The following ZNF43 variants were observed in gnomAD, a reference collection of about 807,000 sequenced individuals.
ZNF43 encodes zinc finger protein 39-like 1 (KOX 27).
ZNF43 carries 44 observed loss-of-function variants against 68.4 expected under a neutral mutation model. The observed-to-expected ratio is 0.64, with a 90% CI of 0.51 to 0.83. ZNF43 has a LOEUF of 0.83. Ranked by LOEUF, ZNF43 falls within the 40% of genes least tolerant of loss-of-function variation. The pLI, the probability that ZNF43 is intolerant of heterozygous loss-of-function variation, is 0.00. For missense variants in ZNF43, 896 were observed against 933.2 expected (o/e 0.96, Z 0.52); for synonymous variants, 308 against 307.8 (o/e 1.00, Z -0.01).
Position 21,809,039 on chromosome 19 carries a change from TTA to T in ZNF43, c.996_997del (p.His332GlnfsTer13). On this transcript the variant is annotated frameshift_variant, in exon 4 of 4. Transcript: ENST00000354959. LOFTEE classifies it high-confidence loss of function. ...GGGTTTCTCTCCAGTATGAATTCTCTTATGTTTAGTAAGAGTTGAGGGCCAGT... is the reference window on the plus strand; with the variant it reads ...GGGTTTCTCTCCAGTATGAATTCTCTTGTTTAGTAAGAGTTGAGGGCCAGT... The T allele has an allele frequency of 6.2e-7, 1 of 1,613,432 alleles. No individual in the cohort carries two copies. Among genetic ancestry groups the T allele is most frequent in the Non-Finnish European group, 8.5e-7 (1 of 1,179,692 alleles).
At chr19:21,836,373 C>G (rs1367758128), upstream of ZNF43, among the ~76,000 whole-genome samples, 2 of 152,216 alleles carry the variant, frequency 1.3e-5, no homozygotes, top group African/African-American at 4.8e-5. Context: ...CCTTTTCAGG[C>G]AGGGCTTCCT....
chr19:21,843,034 G>A (rs1223237213), intron 1 of ZNF43: 4 of 152,186 alleles, frequency 2.6e-5, no homozygotes, highest in Non-Finnish European at 5.9e-5. Context: ...ATGGCAAAAT[G>A]TCCCCTGAAG....
intron 2 of ZNF43, among the ~76,000 whole-genome samples, chr19:21,818,697 G>A (rs574024741): frequency 2.0e-5 from 3 of 152,200 alleles, no homozygotes; most frequent in South Asian, 4.2e-4. Context: ...CGGGATTACA[G>A]GAGTAAGCCA....
At chr19:21,840,802 T>A (rs1345450182), upstream of ZNF43, 1 of 152,092 alleles carries the variant, frequency 6.6e-6, no homozygotes, top group Non-Finnish European at 1.5e-5. Context: ...GCTCTGAGAC[T>A]TTTTTTTCTA....
Position 21,808,508 on chromosome 19 carries a change from T to C in ZNF43, c.1529A>G (p.Tyr510Cys), listed in dbSNP as rs746284893. ...HKKIHIEKKP[Y>C]KCEECGKAFK... ...AGCTTTGCCACATTCTTCACATTTG[T>C]AGGGTTTCTTTTCAATGTGAATTTT... The change falls in exon 4 of 4, where the codon TAC (tyrosine) becomes TGC (cysteine). Residue 510 changes from tyrosine to cysteine, a missense_variant. Transcript: ENST00000354959. 27 of 1,613,170 alleles carry C rather than the reference T, an allele frequency of 1.7e-5. 1 individual carries two copies. The South Asian group carries it at 2.6e-4, about 16-fold the overall frequency.
At position 21,805,644 on chromosome 19, in the gene ZNF43, A is replaced by G. The variant is rs921095803; in HGVS notation, c.*1963T>C. The G allele has an allele frequency of 1.3e-5, 2 of 152,090 alleles. No homozygotes were observed. Among genetic ancestry groups the G allele is most frequent in the African/African-American group, 4.8e-5 (2 of 41,426 alleles). 9.4% of individuals were successfully genotyped at this position (152,090 alleles called of 1,614,324 possible). On this transcript the variant is annotated 3_prime_UTR_variant, in exon 4 of 4. Coordinates refer to ENST00000354959, the MANE Select transcript of ZNF43 (RefSeq NM_003423.4). ...AAAAAAAAACCAAACAAACAAAAAA[A>G]ATTATGAATAGCACAAAGAATAAAA... is the stretch of plus-strand genomic sequence containing the variant.
At chr19:21,824,654 G>A (rs572170089) in intron 1 of ZNF43, among the ~76,000 whole-genome samples, 1 of 148,742 alleles carries the variant, frequency 6.7e-6, no homozygotes, top group African/African-American at 2.5e-5. Context: ...ATTCTTGGGT[G>A]TTAAAGCAAG....
chr19:21,843,178 C>G (rs1014743441), intron 1 of ZNF43: 4 of 158,570 alleles, frequency 2.5e-5, no homozygotes, highest in Admixed American at 6.6e-5. Flanking sequence ...GTCACAATGC[C>G]CTCTGCGACA....
At chr19:21,849,984 G>C (rs889012390) in intron 1 of ZNF43, 5 of 152,178 alleles carry the variant, frequency 3.3e-5, no homozygotes, top group Admixed American at 3.3e-4. Context: ...CTTTTCTGAG[G>C]GCAGAGACCA....
At chr19:21,830,173 C>CCAGGGAGGCGGAGGTTG (rs1165952025) in intron 1 of ZNF43, among the ~76,000 whole-genome samples, 59 of 151,628 alleles carry the variant, frequency 3.9e-4, no homozygotes, top group Non-Finnish European at 5.7e-4. Flanking sequence ...ATTGCTTGAA[C>CCAGGGAGGCGGAGGTTG]CAGGGAGGCG....
chr19:21,835,480 C>G (rs1458159739), intron 1 of ZNF43, among the ~76,000 whole-genome samples: 1 of 149,936 alleles, frequency 6.7e-6, no homozygotes, highest in Non-Finnish European at 1.5e-5. Context: ...GTCTCAGCCT[C>G]CCTAGTAGCT....
At position 21,819,208 on chromosome 19, in the gene ZNF43, A is replaced by C; in HGVS notation, c.17T>G (p.Phe6Cys). The C allele has an allele frequency of 6.3e-7, 1 of 1,599,650 alleles. No individual in the cohort carries two copies. The highest frequency in any genetic ancestry group is 8.5e-7 in the Non-Finnish European group (1 of 1,175,778). Residue 6 changes from phenylalanine to cysteine, a missense_variant, in exon 2 of 4, where the codon TTT becomes TGT. Physicochemically the swap from Phe to Cys is radical, Grantham distance 205 (BLOSUM62 -2). Coordinates refer to ENST00000354959, the MANE Select transcript of ZNF43 (RefSeq NM_003423.4). ...ACAGAATTCTATGGCCACATCCATA[A>C]ATGTCAATGGTCCCTAAAAAAAACA... MGPLTFMDVAIEFCLE... is the reference protein window; with the variant it reads MGPLTCMDVAIEFCLE...
exon 1 of ZNF43, chr19:21,851,945 C>A (rs1402380719): frequency 1.9e-6 from 3 of 1,565,748 alleles, no homozygotes; most frequent in African/African-American, 1.4e-5. Context: ...CTTAGCTGTG[C>A]GTCTCCCAGG....
At position 21,807,668 on chromosome 19, in the gene ZNF43, TA is replaced by T. The variant is rs756122922; in HGVS notation, c.2368del (p.Tyr790ThrfsTer6). On this transcript the variant is annotated frameshift_variant, in exon 4 of 4. Transcript: ENST00000354959. LOFTEE classifies it high-confidence loss of function. ...AATCACTGTCACATCTTCAGGTTTG[TA>T]GAGTTTCTCTCCAGTATGAATTTTG... ...HNKIHTGEKL[Y>X]KPEDVTVILT... 1.3e-6 allele frequency: 2 copies of T among 1,597,470 alleles called. No homozygotes were observed.
chr19:21,835,467 C>T (rs2038671597), intron 1 of ZNF43, among the ~76,000 whole-genome samples: 1 of 145,930 alleles, frequency 6.9e-6, no homozygotes, highest in African/African-American at 2.5e-5. Context: ...AAGCGATTTT[C>T]CTGTCTCAGC....
At position 21,809,275 on chromosome 19, in the gene ZNF43, T is replaced by G. The variant is rs1317808056; in HGVS notation, c.762A>C (p.Arg254Ser). The change falls in exon 4 of 4, where the codon AGA (arginine) becomes AGC (serine). Residue 254 changes from arginine to serine, a missense_variant. Physicochemically the swap from Arg to Ser is moderately radical, Grantham distance 110. Coordinates refer to ENST00000354959, the MANE Select transcript of ZNF43 (RefSeq NM_003423.4). Reference protein sequence around the residue: ...RLTTHKKNYTRYKLYKCEECG... With the variant: ...RLTTHKKNYTSYKLYKCEECG... ...ATTCTTCACATTTGTAGAGTTTGTA[T>G]CTAGTATAATTTTTTTTATGTGTAG... 3.1e-6 allele frequency: 5 copies of G among 1,613,696 alleles called. No homozygotes were observed. The highest frequency in any genetic ancestry group is 4.2e-6 in the Non-Finnish European group (5 of 1,179,850).
intron 3 of ZNF43, among the ~76,000 whole-genome samples, chr19:21,810,494 C>T (rs2457773): frequency 0.089 from 13,584 of 152,220 alleles, 852 homozygotes; most frequent in South Asian, 0.21. Flanking sequence ...GAAGATTATA[C>T]TGCAGCATGA....
In ZNF43 at chr19:21,805,642, A is replaced by C. The variant is rs2036906386; in HGVS notation, c.*1965T>G. On this transcript the variant is annotated 3_prime_UTR_variant, in exon 4 of 4. Coordinates refer to ENST00000354959, the MANE Select transcript of ZNF43 (RefSeq NM_003423.4). Reference sequence around the variant, plus strand: ...AAAAAAAAAAACCAAACAAACAAAAAAAATTATGAATAGCACAAAGAATAA... The same window carrying C: ...AAAAAAAAAAACCAAACAAACAAAACAAATTATGAATAGCACAAAGAATAA... The C allele has an allele frequency of 6.6e-6, 1 of 152,108 alleles. No individual in the cohort carries two copies. The highest frequency in any genetic ancestry group is 6.5e-5 in the Admixed American group (1 of 15,270). 9.4% of individuals were successfully genotyped at this position (152,108 alleles called of 1,614,324 possible).
chr19:21,805,735 A>G lies in ZNF43; in HGVS notation c.*1872T>C, dbSNP rs2036910035. ...GAACAGTAAGTTTAAATAAGACAAAAAAGAATATTTAACCTATAGAAAAAT... is the reference window on the plus strand; with the variant it reads ...GAACAGTAAGTTTAAATAAGACAAAGAAGAATATTTAACCTATAGAAAAAT... On this transcript the variant is annotated 3_prime_UTR_variant, in exon 4 of 4. Transcript: ENST00000354959. The G allele has an allele frequency of 6.6e-6, 1 of 152,126 alleles. No individual in the cohort carries two copies. The highest frequency in any genetic ancestry group is 1.5e-5 in the Non-Finnish European group (1 of 67,988). 9.4% of individuals were successfully genotyped at this position (152,126 alleles called of 1,614,324 possible).
Sources: gnomAD v4.1 joint callset for allele counts (sites outside exome capture counted in the v4.1 genomes callset) on GRCh38, gnomAD v4.1.1 for gene constraint, MANE v1.5 for transcripts, NCBI Gene and HGNC (gene_info 2026-07-23, HGNC 2026-07-21) for gene names.